Variants in ESR2 observed in about 807,000 individuals in gnomAD.
The protein encoded by ESR2 is estrogen receptor 2.
In ESR2, 36 loss-of-function variants were observed where a neutral mutation model predicts 49.6. The ratio of observed to expected loss-of-function variants is 0.73; its 90% CI spans 0.56 to 0.96. The LOEUF is 0.96. Among genes scored for constraint, ESR2 ranks in the 40% least tolerant of loss-of-function variants. ESR2 has a pLI of 0.00. For missense variants in ESR2, 714 were observed against 693.0 expected, an observed-to-expected ratio of 1.03 and a Z score of -0.34; for synonymous variants, 320 against 266.1, an observed-to-expected ratio of 1.20 and a Z score of -1.97.
chr14:64,265,868 G>A (rs1482218419), intron 4 of ESR2, among the ~76,000 whole-genome samples: 1 of 152,178 alleles, frequency 6.6e-6, no homozygotes, highest in African/African-American at 2.4e-5. Context: ...CAAGCAGGTA[G>A]AATCTCTAGT....
At chr14:64,239,820 G>A (rs911087901) in intron 7 of ESR2, among the ~76,000 whole-genome samples, 2 of 152,176 alleles carry the variant, frequency 1.3e-5, no homozygotes, top group African/African-American at 4.8e-5. Context: ...ATGCATAGTG[G>A]AAGAGGATTG....
chr14:64,272,570 TG>T (rs1193715075), intron 3 of ESR2, among the ~76,000 whole-genome samples: 2 of 152,242 alleles, frequency 1.3e-5, no homozygotes, highest in African/African-American at 2.4e-5. Flanking sequence ...ACTTGATTTT[TG>T]TATATGGTGA....
intron 6 of ESR2, among the ~76,000 whole-genome samples, chr14:64,251,323 C>CA (rs557050733): frequency 7.4e-6 from 1 of 134,952 alleles, no homozygotes; most frequent in Non-Finnish European, 1.6e-5. Flanking sequence ...AAAAAAAAAA[C>CA]AAAAAAACCC....
At position 64,282,533 on chromosome 14, in the gene ESR2, C is replaced by T. The variant is rs867404864; in HGVS notation, c.362+91G>A. Reference sequence around the variant, plus strand: ...ACTATGTAATTAATACAATAAAGACCTTGTCTAACATATTATTTCCTTCTC... The same window carrying T: ...ACTATGTAATTAATACAATAAAGACTTTGTCTAACATATTATTTCCTTCTC... On this transcript the variant is annotated intron_variant, in intron 2 of 8. Coordinates refer to ENST00000341099, the MANE Select transcript of ESR2 (RefSeq NM_001437.3). 1.7e-5 allele frequency: 23 copies of T among 1,336,544 alleles called. No homozygotes were observed. In the Middle Eastern group the frequency reaches 3.5e-3, roughly 203 times the overall value. 82.8% of individuals were successfully genotyped at this position (1,336,544 alleles called of 1,614,324 possible).
chr14:64,244,654 G>A (rs1416282565), intron 7 of ESR2, among the ~76,000 whole-genome samples: 1 of 152,092 alleles, frequency 6.6e-6, no homozygotes, highest in Non-Finnish European at 1.5e-5. Context: ...TCAAACTGAG[G>A]GTTACACCAC....
At chr14:64,313,860 C>T (rs1458501963) in intron 1 of ESR2, among the ~76,000 whole-genome samples, 1 of 140,300 alleles carries the variant, frequency 7.1e-6, no homozygotes, top group East Asian at 2.0e-4. Context: ...GCCAGGGCAA[C>T]ACAGGGAGAC....
chr14:64,305,087 G>A (rs898676198), intron 1 of ESR2, among the ~76,000 whole-genome samples: 2 of 151,664 alleles, frequency 1.3e-5, no homozygotes, highest in African/African-American at 4.8e-5. Flanking sequence ...TCAGGAGATC[G>A]AGACCAACCT....
chr14:64,234,826 G>C, intron 8 of ESR2, 144 bp downstream of exon 8: 1 of 1,454,174 alleles, frequency 6.9e-7, no homozygotes, highest in Admixed American at 2.4e-5. Flanking sequence ...TTTGCTTACA[G>C]GTGTGTGAAC....
At chr14:64,283,747 CAAAA>C (rs757997424) in intron 1 of ESR2, among the ~76,000 whole-genome samples, 17 of 45,542 alleles carry the variant, frequency 3.7e-4, no homozygotes, top group Middle Eastern at 0.031. Flanking sequence ...GACCCTGTCT[CAAAA>C]AAAAAAAAAA....
Position 64,257,261 on chromosome 14 carries a change from G to A in ESR2, c.1056C>T (p.Gly352=). ...GLMWRSIDHP[G]KLIFAPDLVL... Reference sequence around the variant, plus strand: ...CAAGATCTGGAGCAAAGATGAGCTTGCCGGGGTGGTCAATTGAGCGCCACA... The same window carrying A: ...CAAGATCTGGAGCAAAGATGAGCTTACCGGGGTGGTCAATTGAGCGCCACA... The change falls in exon 6 of 9, where the codon GGC becomes GGT. Residue 352 remains glycine, a synonymous_variant. Transcript: ENST00000341099. 6.2e-7 allele frequency: 1 copy of A among 1,614,176 alleles called. No homozygotes were observed. Among genetic ancestry groups the A allele is most frequent in the Non-Finnish European group, 8.5e-7 (1 of 1,180,038 alleles).
rs546864530 is a variant in ESR2 at position 64,282,574 on chromosome 14, G to A, written c.362+50C>T. The A allele has an allele frequency of 2.4e-5, 36 of 1,521,774 alleles. No homozygotes were observed. In the South Asian group the frequency reaches 3.3e-4, roughly 14 times the overall value. The allele number at this position is 1,521,774 out of a possible 1,614,324, so 94.3% of individuals were successfully genotyped here. On this transcript the variant is annotated intron_variant, in intron 2 of 8. Coordinates refer to ENST00000341099, the MANE Select transcript of ESR2 (RefSeq NM_001437.3). The stretch of plus-strand genomic sequence containing the variant: ...TTTCCTTCTCACTCAACCATAAAGT[G>A]ATTTGAGAAATGGCTAGCAACTATA...
At chr14:64,320,230 C>T (rs551966713) in intron 1 of ESR2, among the ~76,000 whole-genome samples, 7 of 152,140 alleles carry the variant, frequency 4.6e-5, no homozygotes, top group Non-Finnish European at 1.0e-4. Context: ...CTGTATGATT[C>T]CAAATACACG....
chr14:64,252,323 AC>A (rs1567745125), intron 6 of ESR2, among the ~76,000 whole-genome samples: 1 of 151,868 alleles, frequency 6.6e-6, no homozygotes, highest in Non-Finnish European at 1.5e-5. Context: ...AAAAAAAAAA[AC>A]AAAAACAAAA....
intron 1 of ESR2, among the ~76,000 whole-genome samples, chr14:64,331,806 G>A (rs1485216694): frequency 7.4e-6 from 1 of 135,130 alleles, no homozygotes; most frequent in Non-Finnish European, 1.5e-5. Flanking sequence ...CCGGGCAACA[G>A]AGTGAGACTC....
chr14:64,335,008 A>G (rs1480545787), intron 1 of ESR2, among the ~76,000 whole-genome samples: 1 of 152,228 alleles, frequency 6.6e-6, no homozygotes, highest in Non-Finnish European at 1.5e-5. Context: ...TTCCTAAAAT[A>G]TTTTTAATAA....
chr14:64,277,091 G>C (rs2076571033), intron 3 of ESR2, among the ~76,000 whole-genome samples: 1 of 152,194 alleles, frequency 6.6e-6, no homozygotes, highest in Non-Finnish European at 1.5e-5. Context: ...ACCAGATGAA[G>C]TGATGAGGTC....
At chr14:64,299,454 G>A (rs1220208044) in intron 1 of ESR2, among the ~76,000 whole-genome samples, 3 of 144,860 alleles carry the variant, frequency 2.1e-5, no homozygotes, top group African/African-American at 5.2e-5. Flanking sequence ...AGGCTAGAGT[G>A]CAGTGGCACA....
intron 1 of ESR2, among the ~76,000 whole-genome samples, chr14:64,319,935 T>C (rs1345907457): frequency 6.6e-6 from 1 of 152,230 alleles, no homozygotes; most frequent in Non-Finnish European, 1.5e-5. Flanking sequence ...CCTTGGTTTT[T>C]ACCCAGGTGA....
intron 1 of ESR2, among the ~76,000 whole-genome samples, chr14:64,333,618 A>G (rs1402139955): frequency 6.6e-6 from 1 of 152,240 alleles, no homozygotes; most frequent in African/African-American, 2.4e-5. Flanking sequence ...GGTGAAACAT[A>G]CATCTTACAT....
Sources: gnomAD v4.1 joint callset for allele counts (sites outside exome capture counted in the v4.1 genomes callset) on GRCh38, gnomAD v4.1.1 for gene constraint, MANE v1.5 for transcripts, NCBI Gene and HGNC (gene_info 2026-07-23, HGNC 2026-07-21) for gene names.